DPH6: variants seen among roughly 807,000 people sequenced by gnomAD.
DPH6 encodes diphthine--ammonia ligase.
DPH6 carries 33 observed loss-of-function variants against 38.2 expected under a neutral mutation model. That is an observed-to-expected ratio of 0.86 (90% CI 0.65 to 1.15). The LOEUF (loss-of-function observed/expected upper bound fraction) is 1.15. Among genes scored for constraint, DPH6 ranks in the 50% most tolerant of loss-of-function variants. The probability of loss-of-function intolerance (pLI) is 0.00; values close to 1 mark genes in which losing one functional copy is unlikely to be tolerated. For missense variants in DPH6, 325 were observed against 320.0 expected, an observed-to-expected ratio of 1.02 and a Z score of -0.12; for synonymous variants, 108 against 103.0, an observed-to-expected ratio of 1.05 and a Z score of -0.30.
chr15:35,316,659 C>A (rs1681230505), intron 3 of DPH6, among the ~76,000 whole-genome samples: 1 of 151,414 alleles, frequency 6.6e-6, no homozygotes, highest in African/African-American at 2.4e-5. Context: ...CCAGAGGGAG[C>A]AGAAGAGAAA....
chr15:35,503,220 TATAAGTAA>T (rs1437435673), intron 3 of DPH6, among the ~76,000 whole-genome samples: 1 of 151,988 alleles, frequency 6.6e-6, no homozygotes, highest in Non-Finnish European at 1.5e-5. Context: ...ATACCTTTGT[TATAAGTAA>T]ATAAGTAATC....
chr15:35,290,367 G>A (rs2051972316), intron 3 of DPH6, among the ~76,000 whole-genome samples: 1 of 152,214 alleles, frequency 6.6e-6, no homozygotes, highest in Admixed American at 6.5e-5. Context: ...TGCACATGCT[G>A]TAGCTTGTTG....
At chr15:35,297,457 T>A (rs1471793646) in intron 3 of DPH6, among the ~76,000 whole-genome samples, 1 of 152,128 alleles carries the variant, frequency 6.6e-6, no homozygotes, top group African/African-American at 2.4e-5. Context: ...CTTTTCTTAT[T>A]GTATTCAGAG....
At chr15:35,496,567 A>AAATATATATATATAT in intron 3 of DPH6, among the ~76,000 whole-genome samples, 7 of 31,010 alleles carry the variant, frequency 2.3e-4, no homozygotes, top group African/African-American at 4.1e-4. Context: ...AAAAAAAAAA[A>AAATATATATATATAT]ATATATATAT....
At chr15:35,354,106 C>T (rs535729119) in intron 3 of DPH6, among the ~76,000 whole-genome samples, 291 of 152,190 alleles carry the variant, frequency 1.9e-3, no homozygotes, top group Non-Finnish European at 3.5e-3. Flanking sequence ...TATAAGAATG[C>T]TTGTGATTTT....
intron 3 of DPH6, among the ~76,000 whole-genome samples, chr15:35,485,513 GCTAAT>G (rs1372638813): frequency 6.6e-6 from 1 of 152,112 alleles, no homozygotes; most frequent in Non-Finnish European, 1.5e-5. Context: ...ATCTTTAACA[GCTAAT>G]CTAATTTTCT....
intron 6 of DPH6, among the ~76,000 whole-genome samples, chr15:35,407,040 G>A (rs1023899287): frequency 3.9e-5 from 6 of 151,950 alleles, no homozygotes; most frequent in African/African-American, 1.4e-4. Context: ...GGAGTGAGTA[G>A]CCTCACAGAA....
At chr15:35,487,399 G>A (rs1189368422) in intron 3 of DPH6, among the ~76,000 whole-genome samples, 1 of 152,248 alleles carries the variant, frequency 6.6e-6, no homozygotes, top group Admixed American at 6.5e-5. Context: ...TTGAAATCTA[G>A]GTGGAGGTTC....
At position 35,269,320 on chromosome 15, in the gene DPH6, T is replaced by C. The variant is rs187862136; in HGVS notation, n.201-48738A>G. 5.3e-5 allele frequency among the ~76,000 whole-genome samples: 8 copies of C among 152,308 alleles called. No homozygotes were observed. In the East Asian group the frequency reaches 1.4e-3, roughly 26 times the overall value. The stretch of plus-strand genomic sequence containing the variant: ...GCTCTTAGGACAAACTATCTGATTA[T>C]ATGGTCTGATTAAATCTCTCTAAGA... On this transcript the variant is annotated intron_variant and non_coding_transcript_variant, in intron 3 of 3. Coordinates refer to the DPH6 transcript ENST00000560386.
intron 6 of DPH6, among the ~76,000 whole-genome samples, chr15:35,397,915 A>ACACATACACACAC (rs2053166987): frequency 6.6e-6 from 1 of 150,768 alleles, no homozygotes; most frequent in Non-Finnish European, 1.5e-5. Flanking sequence ...ACACACACAC[A>ACACATACACACAC]AGATTCTGAG....
chr15:35,533,553 C>A (rs541075983), intron 3 of DPH6, among the ~76,000 whole-genome samples: 1 of 151,890 alleles, frequency 6.6e-6, no homozygotes, highest in South Asian at 2.1e-4. Context: ...CAAAACAAAA[C>A]AAAAAAATCT....
the DPH6 span, among the ~76,000 whole-genome samples, chr15:35,171,079 A>C: frequency 1.3e-5 from 2 of 152,212 alleles, no homozygotes; most frequent in African/African-American, 4.8e-5. Context: ...TCAGATAGGG[A>C]GTTAGAAGGT....
chr15:35,313,384 T>C (rs2052161123), intron 3 of DPH6, among the ~76,000 whole-genome samples: 1 of 151,930 alleles, frequency 6.6e-6, no homozygotes, highest in African/African-American at 2.4e-5. Context: ...AGAACATCCT[T>C]GGTATTTGGA....
rs1442577224 is a variant in DPH6 at position 35,489,905 on chromosome 15, T to C, written c.313-35085A>G. ...TTTATACATTTTTCTGTACTAAAAA[T>C]CTATAATGATTACTTTTTAAAAGTA... On this transcript the variant is annotated intron_variant, in intron 3 of 8. Transcript: ENST00000256538. 5 of 966,902 alleles carry C rather than the reference T, an allele frequency of 5.2e-6. No homozygotes were observed. In the Admixed American group the frequency reaches 1.8e-4, roughly 36 times the overall value. 59.9% of individuals were successfully genotyped at this position (966,902 alleles called of 1,614,324 possible).
At chr15:35,484,625 G>C (rs979804143) in intron 3 of DPH6, among the ~76,000 whole-genome samples, 1 of 152,142 alleles carries the variant, frequency 6.6e-6, no homozygotes, top group Non-Finnish European at 1.5e-5. Context: ...AAGGTGAGTG[G>C]GCAAGAGAGC....
intron 3 of DPH6, among the ~76,000 whole-genome samples, chr15:35,494,319 CCA>C (rs891429651): frequency 5.9e-5 from 9 of 152,192 alleles, no homozygotes; most frequent in Admixed American, 2.0e-4. Context: ...TTTGTATAAT[CCA>C]CAGTTTAACT....
chr15:35,237,856 G>A, intron 3 of DPH6: 1 of 1,521,920 alleles, frequency 6.6e-7, no homozygotes, highest in Non-Finnish European at 9.1e-7. Flanking sequence ...AGGATGAGGA[G>A]GAGTATGACG....
At chr15:35,513,054 CA>C (rs2054796645) in intron 3 of DPH6, among the ~76,000 whole-genome samples, 2 of 151,792 alleles carry the variant, frequency 1.3e-5, no homozygotes, top group African/African-American at 4.8e-5. Context: ...AAGAGATTTT[CA>C]CGGCATAGAA....
chr15:35,173,639 TAC>T, the DPH6 span, among the ~76,000 whole-genome samples: 1 of 152,124 alleles, frequency 6.6e-6, no homozygotes, highest in Non-Finnish European at 1.5e-5. Flanking sequence ...CATCAGGCCT[TAC>T]AGAGTCTGTC....
Sources: gnomAD v4.1 joint callset for allele counts (sites outside exome capture counted in the v4.1 genomes callset) on GRCh38, gnomAD v4.1.1 for gene constraint, MANE v1.5 for transcripts, NCBI Gene and HGNC (gene_info 2026-07-23, HGNC 2026-07-21) for gene names.